The following MICAL2 variants were observed in gnomAD, a reference collection of about 807,000 sequenced individuals.
MICAL2 encodes the protein [F-actin]-monooxygenase MICAL2.
MICAL2 carries 77 observed loss-of-function variants against 127.3 expected under a neutral mutation model. The observed-to-expected ratio is 0.60, with a 90% CI of 0.50 to 0.73. The LOEUF is 0.73. Ranked by LOEUF, MICAL2 falls within the 30% of genes least tolerant of loss-of-function variation. The pLI, the probability that MICAL2 is intolerant of heterozygous loss-of-function variation, is 0.00. For synonymous variants in MICAL2, 570 were observed against 551.1 expected (o/e 1.03, Z -0.48); for missense variants, 1,351 against 1,434.4 (o/e 0.94, Z 0.94).
At position 12,223,400 on chromosome 11, in the gene MICAL2, C is replaced by T; in HGVS notation, c.1450-11C>T. On this transcript the variant is annotated splice_polypyrimidine_tract_variant and intron_variant, in intron 11 of 27. Coordinates refer to ENST00000683283, the MANE Select transcript of MICAL2 (RefSeq NM_001282663.2). ...AAAACTGGTGGGCAAGCATGTCTCT[C>T]TTGCTCATAGGTGAAGCATTTGTAT... 1 of 1,612,220 alleles carries T rather than the reference C, an allele frequency of 6.2e-7. No homozygotes were observed.
chr11:12,227,505 T>C (rs191974322), intron 15 of MICAL2, among the ~76,000 whole-genome samples: 2 of 152,352 alleles, frequency 1.3e-5, no homozygotes, highest in Admixed American at 1.3e-4. Context: ...GTGGCAGAAG[T>C]GCATGGTGAT....
chr11:12,343,576 A>T (rs1938905726), intron 32 of MICAL2, among the ~76,000 whole-genome samples: 3 of 152,126 alleles, frequency 2.0e-5, no homozygotes, highest in African/African-American at 4.8e-5. Flanking sequence ...GACACATAAG[A>T]CTGAAAAAAT....
intron 2 of MICAL2, among the ~76,000 whole-genome samples, chr11:12,152,863 C>A (rs1049281527): frequency 6.6e-6 from 1 of 151,808 alleles, no homozygotes; most frequent in African/African-American, 2.4e-5. Flanking sequence ...AGAAAGTTAG[C>A]AAGATTATTA....
Position 12,203,322 on chromosome 11 carries a change from A to C in MICAL2, c.265-928A>C, listed in dbSNP as rs181727773. On this transcript the variant is annotated intron_variant, in intron 3 of 27. Coordinates refer to ENST00000683283, the MANE Select transcript of MICAL2 (RefSeq NM_001282663.2). ...CCTGTGGTTTAAACCTCTATGTTTA[A>C]CTTTTGGAGGAATGGCCACACTGTT... is the stretch of plus-strand genomic sequence containing the variant. Among the ~76,000 whole-genome samples the C allele has an allele frequency of 1.2e-4, 19 of 152,288 alleles. No homozygotes were observed. The Middle Eastern group carries it at 0.01, about 82-fold the overall frequency.
chr11:12,267,467 C>T (rs1863621921), downstream of MICAL2, among the ~76,000 whole-genome samples: 1 of 152,112 alleles, frequency 6.6e-6, no homozygotes, highest in South Asian at 2.1e-4. Context: ...GAGGAATATC[C>T]AGAAGCTGTC....
Position 12,194,437 on chromosome 11 carries a change from AAC to A in MICAL2, c.265-9811_265-9810del, listed in dbSNP as rs926116099. 1.3e-4 allele frequency among the ~76,000 whole-genome samples: 20 copies of A among 152,322 alleles called. No individual in the cohort carries two copies. In the South Asian group the frequency reaches 3.9e-3, roughly 30 times the overall value. The stretch of plus-strand genomic sequence containing the variant: ...CTACATGACTGAACTGATAGGCTTT[AAC>A]AGTTACTAAGCAACTAAAAAAGAGA... On this transcript the variant is annotated intron_variant, in intron 3 of 27. Transcript: ENST00000683283.
intron 24 of MICAL2, among the ~76,000 whole-genome samples, chr11:12,270,294 T>TGGCTGGCTCTGTATTGAAAA (rs1382343776): frequency 1.4e-4 from 22 of 152,246 alleles, no homozygotes; most frequent in Non-Finnish European, 3.2e-4. Flanking sequence ...CGCCCTTCTC[T>TGGCTGGCTCTGTATTGAAAA]GGCTGGCTCT....
chr11:12,324,711 A>T (rs1433568683), intron 31 of MICAL2, among the ~76,000 whole-genome samples: 1 of 152,208 alleles, frequency 6.6e-6, no homozygotes, highest in Non-Finnish European at 1.5e-5. Context: ...ATGTTAATCC[A>T]GTATACCCTC....
At chr11:12,208,520 T>G (rs116099876) in intron 5 of MICAL2, among the ~76,000 whole-genome samples, 1 of 152,240 alleles carries the variant, frequency 6.6e-6, no homozygotes, top group East Asian at 1.9e-4. Context: ...CTTGTACCCA[T>G]GGCACATTTT....
At chr11:12,318,434 T>G (rs995709453) in intron 29 of MICAL2, among the ~76,000 whole-genome samples, 3 of 152,220 alleles carry the variant, frequency 2.0e-5, no homozygotes, top group African/African-American at 4.8e-5. Flanking sequence ...CAGGGATGTT[T>G]TGCATTATTT....
intron 3 of MICAL2, among the ~76,000 whole-genome samples, chr11:12,179,481 A>T (rs1040843669): frequency 2.6e-5 from 4 of 152,082 alleles, no homozygotes; most frequent in Non-Finnish European, 5.9e-5. Context: ...TCTAACCATG[A>T]CTTGGAGCTG....
At chr11:12,324,725 T>A (rs991659932) in intron 31 of MICAL2, among the ~76,000 whole-genome samples, 1 of 152,156 alleles carries the variant, frequency 6.6e-6, no homozygotes, top group Non-Finnish European at 1.5e-5. Flanking sequence ...TACCCTCACA[T>A]CCCTTTCTCC....
rs200206603 is a variant in MICAL2 at position 12,153,026 on chromosome 11, C to CT, written c.-77-9045dup. On this transcript the variant is annotated intron_variant, in intron 2 of 27. Transcript: ENST00000683283. ...ATAACATACAATTTATCATTTTAAC[C>CT]TTTTTTTTGTTTGTTTGTTTTGAGG... Among the ~76,000 whole-genome samples the CT allele has an allele frequency of 8.6e-5, 13 of 151,304 alleles. No homozygotes were observed. The East Asian group carries it at 1.7e-3, about 20-fold the overall frequency.
intron 4 of MICAL2, 130 bp from the exon 5 acceptor site, chr11:12,207,893 T>C (rs1854935991): frequency 1.4e-6 from 1 of 723,460 alleles, no homozygotes; most frequent in African/African-American, 1.7e-5. Context: ...ATAATCCCGC[T>C]CAGTAATGAT....
downstream of MICAL2, chr11:12,294,768 C>A: frequency 6.2e-7 from 1 of 1,611,530 alleles, no homozygotes; most frequent in Non-Finnish European, 8.5e-7. Flanking sequence ...CTGCTGCAGC[C>A]TTTCAAAAGC....
At chr11:12,162,463 G>T in intron 3 of MICAL2, 44 bp downstream of exon 3, 1 of 1,604,280 alleles carries the variant, frequency 6.2e-7, no homozygotes, top group Non-Finnish European at 8.5e-7. Flanking sequence ...GGGCGTGTGG[G>T]TTGACATTTG....
intron 2 of MICAL2, among the ~76,000 whole-genome samples, chr11:12,149,405 T>C (rs1390786975): frequency 6.6e-6 from 1 of 152,144 alleles, no homozygotes; most frequent in African/African-American, 2.4e-5. Context: ...TAAGTGCACA[T>C]TTTTGAAATA....
At chr11:12,166,360 A>T (rs763677174) in intron 3 of MICAL2, among the ~76,000 whole-genome samples, 11 of 152,212 alleles carry the variant, frequency 7.2e-5, no homozygotes, top group Non-Finnish European at 1.5e-4. Context: ...ACACCTTACC[A>T]GGCATTTGAC....
intron 3 of MICAL2, among the ~76,000 whole-genome samples, chr11:12,178,938 T>C (rs1396431020): frequency 4.6e-5 from 7 of 152,152 alleles, no homozygotes. Context: ...TCCCCTGCTC[T>C]TCGCCCCCAC....
Sources: allele counts gnomAD v4.1 joint callset (sites outside exome capture counted in the v4.1 genomes callset), GRCh38; gene constraint gnomAD v4.1.1; transcripts MANE v1.5; gene names NCBI Gene and HGNC (gene_info 2026-07-23, HGNC 2026-07-21).